Variants in SMARCA4 observed in about 807,000 individuals in gnomAD.
SMARCA4 encodes the protein SWI/SNF-related matrix-associated actin-dependent regulator of chromatin subfamily A member 4.
In SMARCA4, 31 loss-of-function variants were observed where a neutral mutation model predicts 193.9. The observed-to-expected ratio is 0.16, with a 90% confidence interval of 0.12 to 0.22. The LOEUF (loss-of-function observed/expected upper bound fraction) is 0.22. Among genes scored for constraint, SMARCA4 ranks in the 10% least tolerant of loss-of-function variants. The pLI, the probability that SMARCA4 is intolerant of heterozygous loss-of-function variation, is 1.00. For synonymous variants in SMARCA4, 942 were observed against 933.1 expected (o/e 1.01, Z -0.17); for missense variants, 1,148 against 2,296.0 (o/e 0.50, Z 10.22).
Position 11,019,196 on chromosome 19 carries a change from G to T in SMARCA4, c.2505+173G>T. 1 of 695,624 alleles carries T rather than the reference G, an allele frequency of 1.4e-6. No individual in the cohort carries two copies. Among genetic ancestry groups the T allele is most frequent in the Non-Finnish European group, 2.6e-6 (1 of 381,522 alleles). 43.1% of individuals were successfully genotyped at this position (695,624 alleles called of 1,614,324 possible). A position where few individuals can be genotyped will look rare whatever the true frequency, so the allele number is the denominator to read the frequency against. On this transcript the variant is annotated intron_variant, in intron 17 of 34. Coordinates refer to ENST00000344626, the MANE Select transcript of SMARCA4 (RefSeq NM_003072.5). The surrounding 1 kb of genome is among the most constrained non-coding windows in gnomAD (Gnocchi z 6.1). The stretch of plus-strand genomic sequence containing the variant: ...CACATGGATCCGGGAGTTTGGACTG[G>T]GCAGGGACAGGGCAGATTAGCTCAC...
At chr19:11,060,777 G>C (rs1352540538) in intron 34 of SMARCA4, among the ~76,000 whole-genome samples, 2 of 152,230 alleles carry the variant, frequency 1.3e-5, no homozygotes, top group Non-Finnish European at 2.9e-5. Context: ...GCATGGATTA[G>C]GGGGCTGCCC....
chr19:10,962,519 G>T (rs1203473152), intron 1 of SMARCA4, among the ~76,000 whole-genome samples: 2 of 152,000 alleles, frequency 1.3e-5, no homozygotes, highest in African/African-American at 4.8e-5. Flanking sequence ...GGAAGAGGGG[G>T]CCTCAAAATC....
At chr19:10,967,685 G>GTTTT (rs111496379) in intron 1 of SMARCA4, among the ~76,000 whole-genome samples, 1 of 126,786 alleles carries the variant, frequency 7.9e-6, no homozygotes, top group African/African-American at 3.0e-5. Flanking sequence ...CAAATGTGTG[G>GTTTT]TTTTTTTTTT....
At chr19:11,052,672 G>A (rs2076326652) in intron 30 of SMARCA4, among the ~76,000 whole-genome samples, 1 of 152,238 alleles carries the variant, frequency 6.6e-6, no homozygotes, top group Admixed American at 6.5e-5. Context: ...AGGACCTCCT[G>A]TGGTGACAAC....
At chr19:10,967,746 G>A (rs1027480088) in intron 1 of SMARCA4, among the ~76,000 whole-genome samples, 3 of 138,698 alleles carry the variant, frequency 2.2e-5, no homozygotes, top group African/African-American at 8.1e-5. Context: ...GTGCAGCGGT[G>A]TGATCTCGGC....
At chr19:11,005,116 G>A (rs192409612) in intron 13 of SMARCA4, among the ~76,000 whole-genome samples, 18 of 152,154 alleles carry the variant, frequency 1.2e-4, no homozygotes, top group African/African-American at 3.9e-4. Flanking sequence ...GATTACAGGC[G>A]TGAGCCACCA....
rs1195533596 is a variant in SMARCA4, at chr19:10,986,425, G to A, written c.592G>A (p.Asp198Asn). Residue 198 changes from aspartate (D) to asparagine (N), a missense_variant, in exon 4 of 35, where the codon GAC (aspartate) becomes AAC (asparagine). Physicochemically the swap from Asp to Asn is conservative, Grantham distance 23 (BLOSUM62 1). Around this residue, in one of 17 missense-constraint regions of SMARCA4, gnomAD observed 257 missense variants for 276.5 expected, o/e 0.93. Transcript: ENST00000344626. This position sits in a 1 kb window ranked among gnomAD's most constrained non-coding sequence, Gnocchi z 6.7. ...GCTGGCCAGGGGGCAGCCCCTCCCC[G>A]ACCACCTGCAGATGGCGGTGCAGGG... ...KMLARGQPLP[D>N]HLQMAVQGKR... 6.3e-7 allele frequency: 1 copy of A among 1,575,446 alleles called. No individual in the cohort carries two copies. Among genetic ancestry groups the A allele is most frequent in the South Asian group, 1.2e-5 (1 of 86,666 alleles).
intron 8 of SMARCA4, among the ~76,000 whole-genome samples, chr19:10,992,956 C>A (rs1001402081): frequency 2.7e-5 from 4 of 149,866 alleles, no homozygotes; most frequent in African/African-American, 9.8e-5. Context: ...GGTTAAATAG[C>A]CCTTTTTAAA....
intron 1 of SMARCA4, among the ~76,000 whole-genome samples, chr19:10,967,573 C>G (rs976556075): frequency 1.8e-4 from 27 of 151,146 alleles, no homozygotes; most frequent in Non-Finnish European, 2.7e-4. Flanking sequence ...GCCTCCCAAA[C>G]TGCTGGGATT....
rs1182524306 is a variant in SMARCA4 at position 11,034,286 on chromosome 19, G to A, written c.3951+86G>A. The A allele has an allele frequency of 7.5e-6, 8 of 1,066,970 alleles. No individual in the cohort carries two copies. The African/African-American group carries it at 1.2e-4, about 17-fold the overall frequency. The allele number at this position is 1,066,970 out of a possible 1,614,324, so 66.1% of individuals were successfully genotyped here. ...AAGCAGACGTCCTAGTGCCCATGGT[G>A]GTATCCCTAGCAGGTCAGGGAGCCA... On this transcript the variant is annotated intron_variant, in intron 28 of 34. Coordinates refer to ENST00000344626, the MANE Select transcript of SMARCA4 (RefSeq NM_003072.5). This position sits in a 1 kb window ranked among gnomAD's most constrained non-coding sequence, Gnocchi z 7.0.
intron 13 of SMARCA4, 89 bp from the exon 14 acceptor site, chr19:11,007,813 A>C: frequency 7.2e-7 from 1 of 1,395,474 alleles, no homozygotes; most frequent in African/African-American, 1.4e-5. Flanking sequence ...TAAGAAGATC[A>C]CTTGCTTCTG....
intron 1 of SMARCA4, among the ~76,000 whole-genome samples, chr19:10,967,883 A>G (rs912799868): frequency 7.1e-5 from 10 of 141,770 alleles, no homozygotes; most frequent in Non-Finnish European, 1.4e-4. Flanking sequence ...TTATTTATTT[A>G]TTTATTTTTT....
chr19:11,015,834 C>T (rs2089303482), intron 16 of SMARCA4: 1 of 152,026 alleles, frequency 6.6e-6, no homozygotes, highest in South Asian at 2.1e-4. Flanking sequence ...TGGTGAAACC[C>T]TGTCCCTACC....
intron 1 of SMARCA4, among the ~76,000 whole-genome samples, chr19:10,967,634 AG>A (rs2084329197): frequency 6.7e-6 from 1 of 149,232 alleles, no homozygotes; most frequent in African/African-American, 2.5e-5. Flanking sequence ...TTTAGAAAAT[AG>A]GTAAATGTTA....
chr19:10,993,956 T>C (rs901702549), intron 8 of SMARCA4, among the ~76,000 whole-genome samples: 4 of 152,184 alleles, frequency 2.6e-5, no homozygotes, highest in Non-Finnish European at 4.4e-5. Flanking sequence ...GTGCTGAGTT[T>C]TATCATCAGA....
At chr19:10,972,893 C>T (rs560481869) in intron 1 of SMARCA4, among the ~76,000 whole-genome samples, 2 of 152,296 alleles carry the variant, frequency 1.3e-5, no homozygotes, top group African/African-American at 2.4e-5. Context: ...GACGGATCAT[C>T]GGCTCAGGAG....
intron 19 of SMARCA4, 108 bp from the exon 20 acceptor site, chr19:11,023,410 C>T: frequency 2.6e-6 from 2 of 755,818 alleles, no homozygotes; most frequent in African/African-American, 3.4e-5. Context: ...GGCAAGATCA[C>T]CCCAGGGGAC....
intron 30 of SMARCA4, among the ~76,000 whole-genome samples, chr19:11,046,948 C>CAAAAAA (rs35450843): frequency 2.2e-5 from 2 of 91,834 alleles, no homozygotes; most frequent in Admixed American, 1.2e-4. Flanking sequence ...GACCCTGTTG[C>CAAAAAA]AAAAAAAAAA....
intron 1 of SMARCA4, among the ~76,000 whole-genome samples, chr19:10,963,252 G>A (rs1271120066): frequency 6.6e-6 from 1 of 151,488 alleles, no homozygotes; most frequent in African/African-American, 2.4e-5. Context: ...ATGCACCGGT[G>A]GTCCCAACTA....
Sources: allele counts gnomAD v4.1 joint callset (sites outside exome capture counted in the v4.1 genomes callset), GRCh38; gene constraint gnomAD v4.1.1; regional missense constraint gnomAD v4.1.1; non-coding constraint Gnocchi (gnomAD v3.1); transcripts MANE v1.5; gene names NCBI Gene and HGNC (gene_info 2026-07-23, HGNC 2026-07-21).